CCSER1: variants seen among roughly 807,000 people sequenced by gnomAD.
CCSER1 encodes serine-rich coiled-coil domain-containing protein 1.
A neutral mutation model predicts 82.0 loss-of-function variants in CCSER1; 41 were observed. The ratio of observed to expected loss-of-function variants is 0.50; its 90% CI spans 0.39 to 0.65. The LOEUF (loss-of-function observed/expected upper bound fraction) is 0.65. Ranked by LOEUF, CCSER1 falls within the 30% of genes least tolerant of loss-of-function variation. CCSER1 has a pLI of 0.00. For missense variants in CCSER1, 1,119 were observed against 1,064.2 expected, an observed-to-expected ratio of 1.05 and a Z score of -0.72; for synonymous variants, 414 against 383.9, an observed-to-expected ratio of 1.08 and a Z score of -0.92.
chr4:90,790,948 G>A (rs555016501), intron 7 of CCSER1, among the ~76,000 whole-genome samples: 10 of 152,218 alleles, frequency 6.6e-5, no homozygotes, highest in East Asian at 5.8e-4. Context: ...TGAATGTACT[G>A]TATTAGTCTG....
At chr4:91,027,441 TA>T (rs201424952) in intron 9 of CCSER1, among the ~76,000 whole-genome samples, 5,456 of 152,120 alleles carry the variant, frequency 0.036, 141 homozygotes, top group Non-Finnish European at 0.055. Context: ...ATATGCAGAA[TA>T]AAATGCATGT....
intron 10 of CCSER1, among the ~76,000 whole-genome samples, chr4:91,247,785 T>A (rs777570566): frequency 5.3e-5 from 8 of 152,068 alleles, no homozygotes; most frequent in Admixed American, 1.3e-4. Flanking sequence ...GGAGAATCAC[T>A]CAAACCTGGC....
At chr4:91,172,738 AGTGGGG>A (rs918357802) in intron 10 of CCSER1, among the ~76,000 whole-genome samples, 2 of 152,188 alleles carry the variant, frequency 1.3e-5, no homozygotes, top group Non-Finnish European at 2.9e-5. Flanking sequence ...CTAGAAGAGT[AGTGGGG>A]GATGAAGAAA....
chr4:90,413,807 C>T (rs536859036), intron 4 of CCSER1, among the ~76,000 whole-genome samples: 1 of 149,406 alleles, frequency 6.7e-6, no homozygotes, highest in Non-Finnish European at 1.5e-5. Context: ...AAATTAGCCG[C>T]GCGTAGTGGC....
At chr4:91,206,006 A>C (rs568578634) in intron 10 of CCSER1, among the ~76,000 whole-genome samples, 8 of 151,862 alleles carry the variant, frequency 5.3e-5, no homozygotes, top group Non-Finnish European at 8.8e-5. Context: ...AGCTAAGGGA[A>C]AATAAAGCAA....
intron 1 of CCSER1, among the ~76,000 whole-genome samples, chr4:90,257,154 A>G (rs1260046847): frequency 6.6e-6 from 1 of 152,024 alleles, no homozygotes; most frequent in Non-Finnish European, 1.5e-5. Context: ...CAGTATGTTA[A>G]CAAACAAAGG....
At chr4:90,443,605 T>C (rs1560525860) in intron 4 of CCSER1, among the ~76,000 whole-genome samples, 1 of 152,116 alleles carries the variant, frequency 6.6e-6, no homozygotes, top group African/African-American at 2.4e-5. Flanking sequence ...GGGGGACTAC[T>C]GCATAAGAGT....
intron 8 of CCSER1, among the ~76,000 whole-genome samples, chr4:90,820,319 G>A (rs1018222119): frequency 2.0e-5 from 3 of 152,156 alleles, no homozygotes; most frequent in African/African-American, 7.2e-5. Flanking sequence ...ATCACAGACT[G>A]GATAATTTAT....
intron 8 of CCSER1, among the ~76,000 whole-genome samples, chr4:90,843,962 C>T (rs1326983914): frequency 1.3e-5 from 2 of 151,940 alleles, no homozygotes; most frequent in Non-Finnish European, 2.9e-5. Flanking sequence ...ATTTTCAGTA[C>T]TCTTGAGACT....
At chr4:90,251,942 A>T (rs946481811) in intron 1 of CCSER1, among the ~76,000 whole-genome samples, 1 of 151,422 alleles carries the variant, frequency 6.6e-6, no homozygotes, top group Non-Finnish European at 1.5e-5. Context: ...TCTATGTTTT[A>T]TTTCAGCCGT....
intron 10 of CCSER1, among the ~76,000 whole-genome samples, chr4:91,491,187 CAAATG>C (rs1758522057): frequency 6.6e-6 from 1 of 151,426 alleles, no homozygotes; most frequent in Non-Finnish European, 1.5e-5. Context: ...CACTGCTAAT[CAAATG>C]AAATGAAATT....
At chr4:90,711,555 T>C (rs965078876) in intron 6 of CCSER1, among the ~76,000 whole-genome samples, 1 of 152,120 alleles carries the variant, frequency 6.6e-6, no homozygotes, top group African/African-American at 2.4e-5. Context: ...ATGTTGAATT[T>C]TATTGAAGGC....
intron 10 of CCSER1, among the ~76,000 whole-genome samples, chr4:91,374,594 T>C (rs892933564): frequency 3.3e-5 from 5 of 152,196 alleles, no homozygotes; most frequent in African/African-American, 1.2e-4. Flanking sequence ...CTAAGAGCTA[T>C]GATGGAAATG....
intron 3 of CCSER1, among the ~76,000 whole-genome samples, chr4:90,359,808 A>G (rs1325105183): frequency 6.7e-6 from 1 of 150,340 alleles, no homozygotes; most frequent in Non-Finnish European, 1.5e-5. Context: ...ACTTGTAAAA[A>G]CTTTATATAT....
chr4:90,224,874 T>A (rs1742843303), intron 1 of CCSER1, among the ~76,000 whole-genome samples: 2 of 152,124 alleles, frequency 1.3e-5, no homozygotes, highest in Admixed American at 1.3e-4. Flanking sequence ...ACTCTGAATT[T>A]TCCAAGAACA....
chr4:90,570,597 G>T (rs1366007015), intron 5 of CCSER1, among the ~76,000 whole-genome samples: 2 of 152,150 alleles, frequency 1.3e-5, no homozygotes, highest in Non-Finnish European at 2.9e-5. Flanking sequence ...CCCTAAGAGA[G>T]GGGGTGAATG....
chr4:91,115,841 T>TTTTTTATATATATATATATA (rs747363416), intron 10 of CCSER1, among the ~76,000 whole-genome samples: 1 of 115,244 alleles, frequency 8.7e-6, no homozygotes, highest in African/African-American at 3.8e-5. Context: ...TTCCATTCTT[T>TTTTTTATATATATATATATA]TATATATATA....
chr4:90,628,096 A>G lies in CCSER1; in HGVS notation c.1796A>G (p.Asn599Ser). The change falls in exon 6 of 11, where the codon AAC (asparagine) becomes AGC (serine). Residue 599 changes from asparagine (N) to serine (S), a missense_variant. Coordinates refer to ENST00000509176, the MANE Select transcript of CCSER1 (RefSeq NM_001145065.2). ...ARCSHISRMP[N>S]SPSADWPLQG... ...TGTTCCCACATCAGCCGAATGCCCA[A>G]CAGTCCATCTGCGGATTGGCCTCTA... 1 of 1,613,730 alleles carries G rather than the reference A, an allele frequency of 6.2e-7. No individual in the cohort carries two copies. Among genetic ancestry groups the G allele is most frequent in the South Asian group, 1.1e-5 (1 of 91,076 alleles).
chr4:90,228,842 G>T (rs1363139316), intron 1 of CCSER1, among the ~76,000 whole-genome samples: 1 of 152,178 alleles, frequency 6.6e-6, no homozygotes. Flanking sequence ...CTCAGGAGCC[G>T]ATGCGATCAA....
Sources: allele counts gnomAD v4.1 joint callset (sites outside exome capture counted in the v4.1 genomes callset), GRCh38; gene constraint gnomAD v4.1.1; transcripts MANE v1.5; gene names NCBI Gene and HGNC (gene_info 2026-07-23, HGNC 2026-07-21).